Variants in RAD54L2 observed in about 807,000 individuals in gnomAD.
RAD54L2 encodes the protein helicase ARIP4.
A neutral mutation model predicts 138.4 loss-of-function variants in RAD54L2; 27 were observed. That is an observed-to-expected ratio of 0.20 (90% confidence interval 0.14 to 0.27). The LOEUF is 0.27. Ranked by LOEUF, RAD54L2 falls within the 10% of genes least tolerant of loss-of-function variation. RAD54L2 has a pLI of 1.00. For missense variants in RAD54L2, 1,396 were observed against 1,890.2 expected (o/e 0.74, Z 4.85); for synonymous variants, 644 against 723.2 (o/e 0.89, Z 1.76).
Position 51,627,605 on chromosome 3 carries a change from T to A in RAD54L2, c.192T>A (p.Asp64Glu), listed in dbSNP as rs753860069. 1.4e-5 allele frequency: 22 copies of A among 1,559,934 alleles called. No individual in the cohort carries two copies. Among genetic ancestry groups the A allele is most frequent in the Non-Finnish European group, 1.9e-5 (22 of 1,152,470 alleles). Residue 64 changes from aspartate (D) to glutamate (E), a missense_variant, in exon 4 of 23, where the codon GAT becomes GAA. Asp to Glu is a conservative substitution (Grantham distance 45, BLOSUM62 2). Coordinates refer to ENST00000684192, the MANE Select transcript of RAD54L2 (RefSeq NM_015106.4). Reference sequence around the variant, plus strand: ...CTGAGCATGCCCAGTTGGGAGAAGATGGGCAGCAGCCGCCGCGGTGCACTT... The same window carrying A: ...CTGAGCATGCCCAGTTGGGAGAAGAAGGGCAGCAGCCGCCGCGGTGCACTT... Reference protein sequence around the residue: ...CGTEHAQLGEDGQQPPRCTST... With the variant: ...CGTEHAQLGEEGQQPPRCTST...
chr3:51,545,393 T>G lies in RAD54L2; in HGVS notation c.-55+3743T>G, dbSNP rs546737142. Among the ~76,000 whole-genome samples the G allele has an allele frequency of 3.3e-5, 5 of 152,178 alleles. No homozygotes were observed. In the East Asian group the frequency reaches 9.7e-4, roughly 29 times the overall value. The stretch of plus-strand genomic sequence containing the variant: ...TTTTAGTAGAGTCAGGGTTTTACCA[T>G]GTTGGTCAGTCTGATCTTGAACTCG... On this transcript the variant is annotated intron_variant, in intron 2 of 22. Transcript: ENST00000684192.
At chr3:51,588,147 C>T (rs1699749714) in intron 2 of RAD54L2, among the ~76,000 whole-genome samples, 1 of 135,362 alleles carries the variant, frequency 7.4e-6, no homozygotes, top group Admixed American at 8.2e-5. Flanking sequence ...GATCGCACCA[C>T]TGCACTCCAG....
intron 2 of RAD54L2, among the ~76,000 whole-genome samples, chr3:51,544,139 A>G (rs1413418787): frequency 3.3e-5 from 5 of 152,142 alleles, no homozygotes; most frequent in African/African-American, 4.8e-5. Context: ...TTTATATCCC[A>G]GCACCTGACC....
Position 51,638,586 on chromosome 3 carries a change from G to T in RAD54L2, c.1860+265G>T. On this transcript the variant is annotated intron_variant, in intron 12 of 22. Coordinates refer to ENST00000684192, the MANE Select transcript of RAD54L2 (RefSeq NM_015106.4). This position sits in a 1 kb window ranked among gnomAD's most constrained non-coding sequence, Gnocchi z 4.3. Reference sequence around the variant, plus strand: ...CAGCTGCACAACTTGTTATTCCAAGGGGATTAATGGAAAAATACTGTGGGG... The same window carrying T: ...CAGCTGCACAACTTGTTATTCCAAGTGGATTAATGGAAAAATACTGTGGGG... 1 of 372,212 alleles carries T rather than the reference G, an allele frequency of 2.7e-6. No individual in the cohort carries two copies. Among genetic ancestry groups the T allele is most frequent in the Non-Finnish European group, 4.8e-6 (1 of 207,314 alleles). The allele number at this position is 372,212 out of a possible 1,614,324, so 23.1% of individuals were successfully genotyped here. A position where few individuals can be genotyped will look rare whatever the true frequency, so the allele number is the denominator to read the frequency against.
chr3:51,570,462 T>G (rs1335856593), intron 2 of RAD54L2, among the ~76,000 whole-genome samples: 2 of 149,128 alleles, frequency 1.3e-5, no homozygotes, highest in Non-Finnish European at 3.0e-5. Flanking sequence ...ATTTTTATTT[T>G]TATTTATTTA....
intron 7 of RAD54L2, among the ~76,000 whole-genome samples, chr3:51,632,988 G>T (rs1700888181): frequency 6.6e-6 from 1 of 151,972 alleles, no homozygotes; most frequent in African/African-American, 2.4e-5. Flanking sequence ...GAGAGACCGA[G>T]GGGGGCAGGT....
chr3:51,639,248 A>T lies in RAD54L2; in HGVS notation c.1861-171A>T, dbSNP rs573124893. On this transcript the variant is annotated intron_variant, in intron 12 of 22. Coordinates refer to ENST00000684192, the MANE Select transcript of RAD54L2 (RefSeq NM_015106.4). The stretch of plus-strand genomic sequence containing the variant: ...GTCATGGTGACCAGAACTGATAATC[A>T]AAACAAATATGCAGGCCCTTTGGCT... 131 of 723,438 alleles carry T rather than the reference A, an allele frequency of 1.8e-4. No individual in the cohort carries two copies. The African/African-American group carries it at 2.2e-3, about 12-fold the overall frequency. 44.8% of individuals were successfully genotyped at this position (723,438 alleles called of 1,614,324 possible).
At chr3:51,652,505 T>C (rs1701467273) in intron 19 of RAD54L2, among the ~76,000 whole-genome samples, 1 of 152,188 alleles carries the variant, frequency 6.6e-6, no homozygotes, top group South Asian at 2.1e-4. Flanking sequence ...GCTGGAGGCA[T>C]CATGCTACCT....
At chr3:51,604,532 A>G (rs1202180991) in intron 3 of RAD54L2, among the ~76,000 whole-genome samples, 1 of 152,210 alleles carries the variant, frequency 6.6e-6, no homozygotes, top group African/African-American at 2.4e-5. Flanking sequence ...AGACAAATCA[A>G]CCACCTGGAA....
chr3:51,620,146 G>T (rs748748555), intron 3 of RAD54L2, among the ~76,000 whole-genome samples: 1 of 151,876 alleles, frequency 6.6e-6, no homozygotes, highest in African/African-American at 2.4e-5. Flanking sequence ...AGACTAGAGT[G>T]TGGTGCAGTG....
intron 19 of RAD54L2, 114 bp from the exon 20 acceptor site, chr3:51,655,857 C>T: frequency 1.1e-6 from 1 of 890,276 alleles, no homozygotes; most frequent in South Asian, 2.0e-5. Context: ...TGATCCTTCT[C>T]TGAGCATCAA....
At chr3:51,629,523 C>G (rs771461487) in intron 5 of RAD54L2, 50 bp downstream of exon 5, 1 of 1,596,580 alleles carries the variant, frequency 6.3e-7, no homozygotes, top group South Asian at 1.1e-5. Context: ...GAGGAAGAAG[C>G]CCTAGGTGCA....
intron 2 of RAD54L2, among the ~76,000 whole-genome samples, chr3:51,574,534 C>CT (rs1699419453): frequency 6.6e-6 from 1 of 152,156 alleles, no homozygotes; most frequent in Non-Finnish European, 1.5e-5. Flanking sequence ...TAATGATCGC[C>CT]ATTCTAACTG....
intron 2 of RAD54L2, among the ~76,000 whole-genome samples, chr3:51,545,243 G>A (rs1361385188): frequency 6.6e-6 from 1 of 151,716 alleles, no homozygotes; most frequent in African/African-American, 2.4e-5. Flanking sequence ...CCAGGCTGGA[G>A]TGCAGTGGTG....
Position 51,612,983 on chromosome 3 carries a change from G to A in RAD54L2, c.140-14570G>A, listed in dbSNP as rs552951664. ...TGAGACGAGTCTCGCTCTGTTGCCC[G>A]GGCTGGAGTGTGGTGGCGCAATCTT... On this transcript the variant is annotated intron_variant, in intron 3 of 22. Coordinates refer to ENST00000684192, the MANE Select transcript of RAD54L2 (RefSeq NM_015106.4). 2.6e-5 allele frequency among the ~76,000 whole-genome samples: 4 copies of A among 151,906 alleles called. No homozygotes were observed. The South Asian group carries it at 6.3e-4, about 24-fold the overall frequency.
At chr3:51,586,133 G>T (rs577349291) in intron 2 of RAD54L2, among the ~76,000 whole-genome samples, 1 of 152,128 alleles carries the variant, frequency 6.6e-6, no homozygotes, top group East Asian at 1.9e-4. Flanking sequence ...GTGTGTGAGG[G>T]TGGAGCCCCT....
intron 21 of RAD54L2, among the ~76,000 whole-genome samples, chr3:51,658,968 T>A (rs1701680741): frequency 6.6e-6 from 1 of 152,168 alleles, no homozygotes; most frequent in Non-Finnish European, 1.5e-5. Context: ...GAATTTCACA[T>A]TTCAGTGTCC....
intron 19 of RAD54L2, among the ~76,000 whole-genome samples, chr3:51,652,547 C>T (rs1488690869): frequency 2.6e-5 from 4 of 152,154 alleles, no homozygotes; most frequent in Non-Finnish European, 4.4e-5. Context: ...GCTACGGTAA[C>T]CAAAACAGCA....
intron 3 of RAD54L2, among the ~76,000 whole-genome samples, chr3:51,623,390 A>C (rs1309661705): frequency 6.6e-6 from 1 of 152,214 alleles, no homozygotes; most frequent in African/African-American, 2.4e-5. Context: ...GCATGCTCCC[A>C]GACCATTCAA....
Sources: allele counts gnomAD v4.1 joint callset (sites outside exome capture counted in the v4.1 genomes callset), GRCh38; gene constraint gnomAD v4.1.1; non-coding constraint Gnocchi (gnomAD v3.1); transcripts MANE v1.5; gene names NCBI Gene and HGNC (gene_info 2026-07-23, HGNC 2026-07-21).